Variants in MTCL1 observed in about 807,000 individuals in gnomAD.
MTCL1 encodes the protein microtubule crosslinking factor 1.
A neutral mutation model predicts 141.4 loss-of-function variants in MTCL1; 79 were observed. That is an observed-to-expected ratio of 0.56 (90% CI 0.47 to 0.67). MTCL1 has a LOEUF of 0.67. Among genes scored for constraint, MTCL1 ranks in the 30% least tolerant of loss-of-function variants. The probability of loss-of-function intolerance (pLI) is 0.00; values close to 1 mark genes in which losing one functional copy is unlikely to be tolerated. For synonymous variants in MTCL1, 914 were observed against 875.8 expected (o/e 1.04, Z -0.77); for missense variants, 2,177 against 2,113.9 (o/e 1.03, Z -0.59).
chr18:8,809,470 T>C lies in MTCL1; in HGVS notation c.2604+2410T>C, dbSNP rs371417297. 35 of 1,535,600 alleles carry C rather than the reference T, an allele frequency of 2.3e-5. 1 individual carries two copies. In the East Asian group the frequency reaches 4.6e-4, roughly 20 times the overall value. ...TAGAATTGTTGTGGATATCCCAGAA[T>C]TAACATTGAGGAGGAGACTTTAGGC... On this transcript the variant is annotated intron_variant, in intron 11 of 16. Transcript: ENST00000359865.
At chr18:8,802,582 A>G (rs965048768) in intron 10 of MTCL1, among the ~76,000 whole-genome samples, 1 of 152,238 alleles carries the variant, frequency 6.6e-6, no homozygotes, top group Non-Finnish European at 1.5e-5. Context: ...TAATACTTAT[A>G]AATAGACTTG....
chr18:8,772,244 ATATGCATAGGC>A (rs2096487856), intron 4 of MTCL1, among the ~76,000 whole-genome samples: 1 of 152,226 alleles, frequency 6.6e-6, no homozygotes, highest in African/African-American at 2.4e-5. Flanking sequence ...AACCAACCAC[ATATGCATAGGC>A]TATATTCGAA....
At chr18:8,825,587 G>A (rs148473485) in exon 15 of MTCL1, 478 of 1,613,644 alleles carry the variant, frequency 3.0e-4, no homozygotes, top group East Asian at 1.9e-3. Context: ...CACCCGTGTC[G>A]TCTCCTTCCC....
At chr18:8,716,697 G>A (rs2096130596), upstream of MTCL1, among the ~76,000 whole-genome samples, 1 of 151,540 alleles carries the variant, frequency 6.6e-6, no homozygotes, top group Non-Finnish European at 1.5e-5. Context: ...GGAACAAAGG[G>A]AATAGCAGGA....
At chr18:8,730,455 A>G (rs749427904) in intron 4 of MTCL1, among the ~76,000 whole-genome samples, 4 of 152,234 alleles carry the variant, frequency 2.6e-5, no homozygotes, top group African/African-American at 4.8e-5. Context: ...GATTCTTTAT[A>G]TCATTACCTA....
At chr18:8,746,762 T>C (rs1165492339) in intron 4 of MTCL1, among the ~76,000 whole-genome samples, 8 of 152,080 alleles carry the variant, frequency 5.3e-5, no homozygotes, top group African/African-American at 1.7e-4. Context: ...TGGGCAGTGA[T>C]GGATGTGGAT....
At chr18:8,757,170 A>G (rs1425880051) in intron 4 of MTCL1, among the ~76,000 whole-genome samples, 2 of 152,102 alleles carry the variant, frequency 1.3e-5, no homozygotes, top group Admixed American at 1.3e-4. Context: ...TGGCTCTCCC[A>G]CTGCTGAATG....
intron 6 of MTCL1, 73 bp downstream of exon 5, chr18:8,784,916 G>A: frequency 3.0e-6 from 4 of 1,340,206 alleles, no homozygotes; most frequent in East Asian, 2.3e-5. Context: ...TGCTGCACTC[G>A]GGCTCACGCT....
At chr18:8,798,325 C>T in intron 10 of MTCL1, 34 bp downstream of exon 9, 3 of 1,450,498 alleles carry the variant, frequency 2.1e-6, no homozygotes, top group Non-Finnish European at 2.7e-6. Context: ...TCGCCCTGCC[C>T]ACACCAGGGA....
At chr18:8,777,294 C>G (rs570057739) in intron 4 of MTCL1, among the ~76,000 whole-genome samples, 174 of 152,314 alleles carry the variant, frequency 1.1e-3, no homozygotes, top group African/African-American at 4.0e-3. Flanking sequence ...TCTTATTACT[C>G]TGTTGTTCAG....
Position 8,783,968 on chromosome 18 carries a change from G to T in MTCL1, c.856G>T (p.Glu286Ter), listed in dbSNP as rs1339115455. 4 of 1,613,790 alleles carry T rather than the reference G, an allele frequency of 2.5e-6. No homozygotes were observed. Among genetic ancestry groups the T allele is most frequent in the Non-Finnish European group, 3.4e-6 (4 of 1,180,028 alleles). ...CCTGCAGTTTGTAGAAGAGGAAGCG[G>T]AGTTGCTCCGGAGGTCCATCTCCGA... The change falls in exon 6 of 17, where the codon GAG becomes TAG. Residue 286 changes from glutamate (E) to a stop codon, truncating the protein, a stop_gained. Coordinates refer to ENST00000359865, the Ensembl canonical transcript of MTCL1. LOFTEE classifies it high-confidence loss of function.
At chr18:8,743,425 G>T (rs959857474) in intron 4 of MTCL1, among the ~76,000 whole-genome samples, 4 of 152,164 alleles carry the variant, frequency 2.6e-5, no homozygotes, top group African/African-American at 9.7e-5. Context: ...GTTTACTATT[G>T]ATGCTGTAAC....
At chr18:8,725,815 A>T (rs1456217131) in intron 4 of MTCL1, among the ~76,000 whole-genome samples, 2 of 95,832 alleles carry the variant, frequency 2.1e-5, no homozygotes, top group African/African-American at 4.4e-5. Flanking sequence ...TTTGAGATGG[A>T]GTCTCTCTCT....
chr18:8,780,261 G>A (rs2096528237), intron 5 of MTCL1, among the ~76,000 whole-genome samples: 1 of 152,198 alleles, frequency 6.6e-6, no homozygotes, highest in Admixed American at 6.5e-5. Flanking sequence ...TGAGTCCCTG[G>A]TCCACACGCC....
chr18:8,750,992 A>C (rs1053851137), intron 4 of MTCL1, among the ~76,000 whole-genome samples: 1 of 152,082 alleles, frequency 6.6e-6, no homozygotes, highest in Non-Finnish European at 1.5e-5. Flanking sequence ...CACCGTGGCC[A>C]GGCCCTCTCG....
chr18:8,827,180 A>T (rs2077054251), intron 15 of MTCL1, among the ~76,000 whole-genome samples: 1 of 152,206 alleles, frequency 6.6e-6, no homozygotes, highest in African/African-American at 2.4e-5. Context: ...GGGTCAGAGG[A>T]GGAGGAGGAC....
At chr18:8,826,188 G>T in exon 15 of MTCL1, 1 of 1,610,862 alleles carries the variant, frequency 6.2e-7, no homozygotes, top group South Asian at 1.1e-5. Flanking sequence ...TCTCCACAGT[G>T]ACAGCCACTC....
chr18:8,721,240 G>T (rs556785065), intron 4 of MTCL1, among the ~76,000 whole-genome samples: 1 of 152,314 alleles, frequency 6.6e-6, no homozygotes, highest in Admixed American at 6.5e-5. Context: ...GAATTCTGGT[G>T]TGTTACCTGC....
intron 8 of MTCL1, among the ~76,000 whole-genome samples, chr18:8,794,322 C>T (rs2075839157): frequency 6.6e-6 from 1 of 152,102 alleles, no homozygotes; most frequent in African/African-American, 2.4e-5. Context: ...TAGGAGATGT[C>T]CTCCAGGCTT....
Sources: allele counts gnomAD v4.1 joint callset (sites outside exome capture counted in the v4.1 genomes callset), GRCh38; gene constraint gnomAD v4.1.1; transcripts MANE v1.5; gene names NCBI Gene and HGNC (gene_info 2026-07-23, HGNC 2026-07-21).